Variants in RIPOR2 observed in about 807,000 individuals in gnomAD.
The protein encoded by RIPOR2 is RHO family interacting cell polarization regulator 2, also known as rho family-interacting cell polarization regulator 2.
Under a neutral mutation model 114.5 loss-of-function variants are expected in RIPOR2, and 39 were observed. The ratio of observed to expected loss-of-function variants is 0.34; its 90% CI spans 0.26 to 0.44. The LOEUF is 0.44. RIPOR2 is among the 20% of genes least tolerant of loss of function. The probability of loss-of-function intolerance (pLI) is 1.00; values close to 1 mark genes in which losing one functional copy is unlikely to be tolerated. For synonymous variants in RIPOR2, 445 were observed against 484.4 expected, an observed-to-expected ratio of 0.92 and a Z score of 1.07; for missense variants, 1,007 against 1,255.1, an observed-to-expected ratio of 0.80 and a Z score of 2.99.
intron 1 of RIPOR2, among the ~76,000 whole-genome samples, chr6:24,963,487 TAATAG>T (rs1773395025): frequency 6.6e-6 from 1 of 152,158 alleles, no homozygotes; most frequent in African/African-American, 2.4e-5. Flanking sequence ...AAGTGTAAAA[TAATAG>T]AATAGAACAA....
intron 8 of RIPOR2, among the ~76,000 whole-genome samples, chr6:24,855,764 G>C (rs942024684): frequency 5.3e-5 from 8 of 152,232 alleles, no homozygotes; most frequent in Admixed American, 1.3e-4. Flanking sequence ...GCCAGGCATG[G>C]TGGCTCACAC....
chr6:24,965,017 T>C lies in RIPOR2; in HGVS notation c.76+76834A>G, dbSNP rs1050055536. ...TTATTTCTAAGATTTGAGAGTTCTT[T>C]ATATATTTTGGATATTGTCTTTGCT... On this transcript the variant is annotated intron_variant, in intron 1 of 13. Transcript: ENST00000510784. 3.3e-5 allele frequency among the ~76,000 whole-genome samples: 5 copies of C among 152,216 alleles called. No individual in the cohort carries two copies. The East Asian group carries it at 7.7e-4, about 23-fold the overall frequency.
intron 1 of RIPOR2, among the ~76,000 whole-genome samples, chr6:24,899,061 A>T (rs918409973): frequency 2.6e-5 from 4 of 151,674 alleles, no homozygotes; most frequent in Non-Finnish European, 5.9e-5. Flanking sequence ...GACAAAAGTC[A>T]CAAGGAAATT....
rs2113610499 is a variant in RIPOR2, at chr6:24,806,302, G to T, written c.*71C>A. 3 of 1,118,860 alleles carry T rather than the reference G, an allele frequency of 2.7e-6. No homozygotes were observed. Among genetic ancestry groups the T allele is most frequent in the East Asian group, 2.6e-5 (1 of 38,538 alleles). 69.3% of individuals were successfully genotyped at this position (1,118,860 alleles called of 1,614,324 possible). Reference sequence around the variant, plus strand: ...TCTCTCAGGCTCTAAACAATTTCCAGCCCAAACCACAGCACCATCCTGATG... The same window carrying T: ...TCTCTCAGGCTCTAAACAATTTCCATCCCAAACCACAGCACCATCCTGATG... On this transcript the variant is annotated 3_prime_UTR_variant, in exon 22 of 22. Transcript: ENST00000643898.
chr6:24,977,100 T>G (rs916416384), intron 1 of RIPOR2: 7 of 991,818 alleles, frequency 7.1e-6, no homozygotes, highest in Admixed American at 2.1e-5. Flanking sequence ...GCAGTTCCCT[T>G]TGGGTTCCAT....
chr6:24,927,024 ATGATTATTATAATCATCATCTC>A (rs776303791), intron 1 of RIPOR2, among the ~76,000 whole-genome samples: 370 of 2,118 alleles, frequency 0.17, 34 homozygotes, highest in East Asian at 0.6. Context: ...CACCACCACC[ATGATTATTATAATCATCATCTC>A]ACTACCACCA....
chr6:24,810,128 G>A (rs1384265942), intron 20 of RIPOR2, among the ~76,000 whole-genome samples: 3 of 152,216 alleles, frequency 2.0e-5, no homozygotes, highest in East Asian at 3.9e-4. Context: ...CACTGTGCCC[G>A]GCCAGCTGGT....
intron 1 of RIPOR2, among the ~76,000 whole-genome samples, chr6:24,954,456 C>CTCTTT (rs1772936229): frequency 7.6e-6 from 1 of 132,390 alleles, no homozygotes; most frequent in East Asian, 2.3e-4. Flanking sequence ...TCTCTCTCTC[C>CTCTTT]TTTTTTTTTT....
At chr6:25,024,268 ACT>A in intron 1 of RIPOR2, 4 of 1,541,180 alleles carry the variant, frequency 2.6e-6, no homozygotes, top group South Asian at 1.1e-5. Context: ...GGCCAGATGA[ACT>A]CTTCCACAAA....
chr6:25,000,476 A>G (rs1013775833), intron 1 of RIPOR2, among the ~76,000 whole-genome samples: 4 of 152,236 alleles, frequency 2.6e-5, no homozygotes, highest in Non-Finnish European at 5.9e-5. Context: ...TATTAAATGA[A>G]TAAGTGAACT....
At chr6:24,835,936 A>G in intron 14 of RIPOR2, 65 bp from the exon 15 acceptor site, 3 of 1,482,688 alleles carry the variant, frequency 2.0e-6, no homozygotes, top group Admixed American at 2.0e-5. Flanking sequence ...TCAAGTCCAC[A>G]TGGTTTGCAT....
intron 1 of RIPOR2, among the ~76,000 whole-genome samples, chr6:24,962,864 GA>G (rs1773365191): frequency 6.6e-6 from 1 of 152,126 alleles, no homozygotes; most frequent in Non-Finnish European, 1.5e-5. Context: ...CTCCACTTGG[GA>G]TTCAGTGATT....
intron 6 of RIPOR2, 99 bp from the exon 7 acceptor site, chr6:24,865,549 C>G (rs1256957086): frequency 5.0e-6 from 5 of 999,058 alleles, no homozygotes; most frequent in African/African-American, 1.6e-5. Flanking sequence ...TTTCTGACCT[C>G]TACAAAGAGA....
chr6:24,919,307 G>C (rs981276302), intron 1 of RIPOR2, among the ~76,000 whole-genome samples: 2 of 152,140 alleles, frequency 1.3e-5, no homozygotes, highest in Non-Finnish European at 2.9e-5. Context: ...AATTATTCAC[G>C]CCACCGAAGT....
intron 13 of RIPOR2, 43 bp from the exon 14 acceptor site, chr6:24,839,315 G>A: frequency 6.6e-7 from 1 of 1,513,456 alleles, no homozygotes; most frequent in Non-Finnish European, 8.9e-7. Flanking sequence ...AACATATCCG[G>A]AAAGAGAAAC....
intron 1 of RIPOR2, among the ~76,000 whole-genome samples, chr6:24,949,793 C>G (rs1191329853): frequency 1.3e-5 from 2 of 152,216 alleles, no homozygotes; most frequent in South Asian, 4.1e-4. Flanking sequence ...AGCTCCTTGT[C>G]CCTCAGGGAA....
chr6:24,861,163 C>G (rs1305629961), intron 7 of RIPOR2, 127 bp from the exon 8 acceptor site: 2 of 629,422 alleles, frequency 3.2e-6, no homozygotes, highest in Non-Finnish European at 5.8e-6. Flanking sequence ...TTGCTCCACA[C>G]AGCACAGCCT....
intron 1 of RIPOR2, among the ~76,000 whole-genome samples, chr6:24,926,855 ACAT>A (rs1561781565): frequency 2.6e-5 from 4 of 151,462 alleles, no homozygotes; most frequent in African/African-American, 2.4e-5. Context: ...ATCACCACCA[ACAT>A]CATCATCAGC....
At chr6:24,881,593 TACA>T (rs1349346248) in intron 1 of RIPOR2, among the ~76,000 whole-genome samples, 4 of 152,248 alleles carry the variant, frequency 2.6e-5, no homozygotes, top group Admixed American at 1.3e-4. Flanking sequence ...AGTTTCTTCA[TACA>T]ATGAAAATCA....
Sources: gnomAD v4.1 joint callset for allele counts (sites outside exome capture counted in the v4.1 genomes callset) on GRCh38, gnomAD v4.1.1 for gene constraint, MANE v1.5 for transcripts, NCBI Gene and HGNC (gene_info 2026-07-23, HGNC 2026-07-21) for gene names.